GLI3: variants seen among roughly 807,000 people sequenced by gnomAD.
GLI3 encodes GLI family zinc finger 3, also known as transcription activator GLI3.
GLI3 carries 20 observed loss-of-function variants against 100.8 expected under a neutral mutation model. The observed-to-expected ratio is 0.20, with a 90% CI of 0.14 to 0.29. The LOEUF (loss-of-function observed/expected upper bound fraction) is 0.29. Among genes scored for constraint, GLI3 ranks in the 10% least tolerant of loss-of-function variants. The pLI is 1.00. For synonymous variants in GLI3, 938 were observed against 860.5 expected, an observed-to-expected ratio of 1.09 and a Z score of -1.58; for missense variants, 2,040 against 2,128.5, an observed-to-expected ratio of 0.96 and a Z score of 0.82.
chr7:42,123,504 C>A (rs1015632165), intron 3 of GLI3, among the ~76,000 whole-genome samples: 1 of 152,120 alleles, frequency 6.6e-6, no homozygotes, highest in South Asian at 2.1e-4. Context: ...GATACAAAAA[C>A]GTAATTATAC....
rs78275342 is a variant in GLI3 at position 42,028,994 on chromosome 7, C to T, written c.1029-2582G>A. Among the ~76,000 whole-genome samples the T allele has an allele frequency of 6.9e-3, 1,045 of 152,156 alleles. 18 individuals are homozygous for T. The highest frequency in any genetic ancestry group is 0.023 in the African/African-American group (974 of 41,498). On this transcript the variant is annotated intron_variant, in intron 7 of 14. Coordinates refer to ENST00000395925, the MANE Select transcript of GLI3 (RefSeq NM_000168.6). ...CCTTTTTGCTGGTAAAACCAGGTGACGGGAATAAATGTTCTCTAAAATCCA... is the reference window on the plus strand; with the variant it reads ...CCTTTTTGCTGGTAAAACCAGGTGATGGGAATAAATGTTCTCTAAAATCCA...
At chr7:42,183,981 T>C (rs1787669645) in intron 2 of GLI3, among the ~76,000 whole-genome samples, 1 of 152,192 alleles carries the variant, frequency 6.6e-6, no homozygotes, top group Non-Finnish European at 1.5e-5. Flanking sequence ...ACACTGGCCA[T>C]GGGCCTTAGG....
At chr7:41,997,953 G>A (rs369298172) in intron 10 of GLI3, among the ~76,000 whole-genome samples, 2 of 152,306 alleles carry the variant, frequency 1.3e-5, no homozygotes, top group African/African-American at 4.8e-5. Flanking sequence ...CTACGTCAGA[G>A]GAGGGAAGCT....
At chr7:42,040,942 T>A (rs1346470965) in intron 6 of GLI3, among the ~76,000 whole-genome samples, 1 of 151,970 alleles carries the variant, frequency 6.6e-6, no homozygotes, top group East Asian at 1.9e-4. Flanking sequence ...CACCCTATAA[T>A]GTTCAGGGTC....
rs760738429 is a variant in GLI3 at position 41,964,906 on chromosome 7, A to C, written c.4167T>G (p.Phe1389Leu). 8.1e-6 allele frequency: 13 copies of C among 1,613,650 alleles called. No individual in the cohort carries two copies. Among genetic ancestry groups the C allele is most frequent in the Non-Finnish European group, 8.5e-6 (10 of 1,180,040 alleles). ...GCATAGCCTGGCGCCTGCTGCCCCC[A>C]AAGCTGGCACATGGCTGGTAGCCCC... Reference protein sequence around the residue: ...VVRGYQPCASFGGSRRQAMPR... With the variant: ...VVRGYQPCASLGGSRRQAMPR... Residue 1389 changes from phenylalanine (F) to leucine (L), a missense_variant, in exon 15 of 15, where the codon TTT becomes TTG. Physicochemically the swap from Phe to Leu is conservative, Grantham distance 22 (BLOSUM62 0). Transcript: ENST00000395925.
intron 2 of GLI3, among the ~76,000 whole-genome samples, chr7:42,176,275 C>A (rs1206650120): frequency 6.6e-6 from 1 of 152,146 alleles, no homozygotes; most frequent in African/African-American, 2.4e-5. Flanking sequence ...GGATTCCAAG[C>A]AGAGGTACAG....
intron 2 of GLI3, among the ~76,000 whole-genome samples, chr7:42,197,110 C>A (rs903484256): frequency 6.6e-6 from 1 of 152,206 alleles, no homozygotes; most frequent in East Asian, 1.9e-4. Context: ...AACTCACATC[C>A]GAGTCTGGCT....
At chr7:42,107,511 G>T (rs1785603718) in intron 3 of GLI3, among the ~76,000 whole-genome samples, 2 of 152,234 alleles carry the variant, frequency 1.3e-5, no homozygotes, top group African/African-American at 4.8e-5. Flanking sequence ...GACACTGAAG[G>T]CAGGGGACAG....
intron 2 of GLI3, among the ~76,000 whole-genome samples, chr7:42,191,018 T>C (rs558758860): frequency 1.3e-5 from 2 of 151,672 alleles, no homozygotes; most frequent in South Asian, 4.2e-4. Context: ...CTTAACCTGA[T>C]AAAAAAAATA....
chr7:42,215,820 G>C (rs1193768967), intron 2 of GLI3, among the ~76,000 whole-genome samples: 4 of 152,132 alleles, frequency 2.6e-5, no homozygotes, highest in African/African-American at 9.7e-5. Flanking sequence ...AGCCTGTTAA[G>C]CTAGAACCTG....
intron 1 of GLI3, among the ~76,000 whole-genome samples, chr7:42,226,795 A>G (rs1365335197): frequency 6.6e-6 from 1 of 152,216 alleles, no homozygotes; most frequent in African/African-American, 2.4e-5. Context: ...AAAGTTTAAC[A>G]TTCTAGACGC....
intron 2 of GLI3, among the ~76,000 whole-genome samples, chr7:42,190,416 A>C (rs781250656): frequency 4.6e-5 from 7 of 152,228 alleles, no homozygotes; most frequent in Admixed American, 1.3e-4. Flanking sequence ...GCTTTTTAAA[A>C]AAGTGTATTT....
At chr7:42,242,915 A>G (rs1322837034) in intron 1 of GLI3, among the ~76,000 whole-genome samples, 1 of 152,158 alleles carries the variant, frequency 6.6e-6, no homozygotes, top group Non-Finnish European at 1.5e-5. Context: ...AATATAATGG[A>G]GAGTTTGGGA....
chr7:42,215,030 T>TTTTG (rs535315546), intron 2 of GLI3, among the ~76,000 whole-genome samples: 49 of 152,174 alleles, frequency 3.2e-4, no homozygotes, highest in African/African-American at 8.7e-4. Context: ...GAAACAGGTT[T>TTTTG]TTTGTTTGTT....
chr7:42,088,400 G>A (rs1383167001), intron 3 of GLI3, among the ~76,000 whole-genome samples: 2 of 152,006 alleles, frequency 1.3e-5, no homozygotes, highest in African/African-American at 4.8e-5. Flanking sequence ...TCTCTTGTTG[G>A]CTACCCTTCC....
Position 41,961,172 on chromosome 7 carries a change from T to A in GLI3, c.*3158A>T, listed in dbSNP as rs1282013218. 1 of 152,624 alleles carries A rather than the reference T, an allele frequency of 6.6e-6. No individual in the cohort carries two copies. Among genetic ancestry groups the A allele is most frequent in the African/African-American group, 2.4e-5 (1 of 41,446 alleles). The allele number at this position is 152,624 out of a possible 1,614,324, so 9.5% of individuals were successfully genotyped here. ...CCTACAATACTTAAATGTATTTACA[T>A]GTGTTTCTTTTAAAAAAAGGATTAC... On this transcript the variant is annotated 3_prime_UTR_variant, in exon 15 of 15. Coordinates refer to ENST00000395925, the MANE Select transcript of GLI3 (RefSeq NM_000168.6).
chr7:42,152,323 G>A lies in GLI3; in HGVS notation c.125-3855C>T, dbSNP rs1039969768. 7 of 816,060 alleles carry A rather than the reference G, an allele frequency of 8.6e-6. No individual in the cohort carries two copies. In the East Asian group the frequency reaches 8.7e-4, roughly 101 times the overall value. 50.6% of individuals were successfully genotyped at this position (816,060 alleles called of 1,614,324 possible). On this transcript the variant is annotated intron_variant, in intron 2 of 14. Transcript: ENST00000395925. ...TCTCTTGTCCCAAGACCTAGAAGATGCGGAGTATAAGAGAACAGACAATAC... is the reference window on the plus strand; with the variant it reads ...TCTCTTGTCCCAAGACCTAGAAGATACGGAGTATAAGAGAACAGACAATAC...
chr7:42,247,557 C>T (rs1450355205), intron 1 of GLI3, among the ~76,000 whole-genome samples: 2 of 152,186 alleles, frequency 1.3e-5, no homozygotes. Context: ...TTTTCCGGTC[C>T]ACCACCAGGC....
intron 7 of GLI3, among the ~76,000 whole-genome samples, chr7:42,036,519 T>C (rs1015590732): frequency 6.6e-6 from 1 of 152,186 alleles, no homozygotes; most frequent in African/African-American, 2.4e-5. Context: ...AAAGAAAATA[T>C]GGAAACGTCA....
Sources: gnomAD v4.1 joint callset for allele counts (sites outside exome capture counted in the v4.1 genomes callset) on GRCh38, gnomAD v4.1.1 for gene constraint, MANE v1.5 for transcripts, NCBI Gene and HGNC (gene_info 2026-07-23, HGNC 2026-07-21) for gene names.